Variants in ZMYND8 observed in about 807,000 individuals in gnomAD.
ZMYND8 encodes the protein zinc finger MYND-type containing 8.
A neutral mutation model predicts 140.8 loss-of-function variants in ZMYND8; 37 were observed. That is an observed-to-expected ratio of 0.26 (90% CI 0.20 to 0.35). ZMYND8 has a LOEUF of 0.35. Among genes scored for constraint, ZMYND8 ranks in the 10% least tolerant of loss-of-function variants. The pLI is 1.00. For synonymous variants in ZMYND8, 592 were observed against 597.1 expected, an observed-to-expected ratio of 0.99 and a Z score of 0.12; for missense variants, 1,068 against 1,570.0, an observed-to-expected ratio of 0.68 and a Z score of 5.40.
intron 3 of ZMYND8, among the ~76,000 whole-genome samples, chr20:47,302,883 C>G (rs2078172073): frequency 6.6e-6 from 1 of 152,148 alleles, no homozygotes; most frequent in African/African-American, 2.4e-5. Context: ...GGACAGCATC[C>G]AGGGCACAGG....
At chr20:47,249,170 G>A (rs1418608284) in intron 13 of ZMYND8, 117 bp downstream of exon 13, 3 of 1,265,588 alleles carry the variant, frequency 2.4e-6, no homozygotes, top group Non-Finnish European at 2.2e-6. Context: ...ATAGTTGAAA[G>A]TTAAAGCAGC....
intron 7 of ZMYND8, among the ~76,000 whole-genome samples, chr20:47,287,871 C>A (rs2077025192): frequency 6.6e-6 from 1 of 152,124 alleles, no homozygotes; most frequent in Non-Finnish European, 1.5e-5. Flanking sequence ...CACACACATA[C>A]ACATTTTCTT....
At chr20:47,218,889 C>G (rs1174785440) in intron 21 of ZMYND8, among the ~76,000 whole-genome samples, 1 of 152,034 alleles carries the variant, frequency 6.6e-6, no homozygotes, top group African/African-American at 2.4e-5. Context: ...TTCCTCCATG[C>G]ACTCAATATG....
At chr20:47,214,341 G>A (rs1174873707) in intron 21 of ZMYND8, among the ~76,000 whole-genome samples, 3 of 152,182 alleles carry the variant, frequency 2.0e-5, no homozygotes, top group Non-Finnish European at 2.9e-5. Context: ...GACCTCTGCG[G>A]CCTCCCTGCA....
rs914258320 is a variant in ZMYND8 at position 47,262,216 on chromosome 20, A to T, written c.1621+72T>A. The T allele has an allele frequency of 5.0e-6, 8 of 1,604,650 alleles. No individual in the cohort carries two copies. The African/African-American group carries it at 1.1e-4, about 21-fold the overall frequency. On this transcript the variant is annotated intron_variant, in intron 12 of 22. Transcript: ENST00000471951. ...AGTTGAAGGTTCAAGAACCACATACACAAGAGGATACGTCATTTGCAAAAA... is the reference window on the plus strand; with the variant it reads ...AGTTGAAGGTTCAAGAACCACATACTCAAGAGGATACGTCATTTGCAAAAA...
At chr20:47,273,300 C>T (rs939109218) in intron 11 of ZMYND8, among the ~76,000 whole-genome samples, 1 of 152,118 alleles carries the variant, frequency 6.6e-6, no homozygotes. Context: ...TGTCTGGACA[C>T]CTCGGGAGAC....
At chr20:47,278,056 T>C (rs2076366512) in intron 10 of ZMYND8, among the ~76,000 whole-genome samples, 2 of 152,058 alleles carry the variant, frequency 1.3e-5, no homozygotes. Flanking sequence ...CACTACAGCC[T>C]CAAACTCCTG....
At chr20:47,324,201 C>CAA (rs60339000) in intron 2 of ZMYND8, among the ~76,000 whole-genome samples, 3,409 of 66,586 alleles carry the variant, frequency 0.051, 222 homozygotes, top group African/African-American at 0.15. Flanking sequence ...GACTCTGTCT[C>CAA]AAAAAAAAAA....
intron 1 of ZMYND8, chr20:47,352,966 C>CAGT (rs1461622786): frequency 7.2e-5 from 11 of 152,214 alleles, no homozygotes; most frequent in Non-Finnish European, 1.3e-4. Context: ...CTCTGCTGTG[C>CAGT]AGTAGCGAAG....
chr20:47,314,950 A>G (rs2079260149), intron 2 of ZMYND8, among the ~76,000 whole-genome samples: 1 of 152,194 alleles, frequency 6.6e-6, no homozygotes, highest in African/African-American at 2.4e-5. Context: ...GGACCCTTGA[A>G]CAGGCCATCA....
At chr20:47,347,456 G>A (rs933616010) in intron 2 of ZMYND8, among the ~76,000 whole-genome samples, 1 of 152,238 alleles carries the variant, frequency 6.6e-6, no homozygotes, top group Non-Finnish European at 1.5e-5. Context: ...TTCCAGTGAA[G>A]CGGGCTGACT....
intron 1 of ZMYND8, chr20:47,355,566 A>T (rs2083156562): frequency 2.7e-5 from 24 of 874,314 alleles, no homozygotes; most frequent in Non-Finnish European, 3.3e-5. Context: ...TGGTATTATT[A>T]AAAACACACA....
intron 7 of ZMYND8, among the ~76,000 whole-genome samples, chr20:47,289,166 CA>C (rs2077103400): frequency 1.3e-5 from 2 of 152,168 alleles, no homozygotes; most frequent in South Asian, 4.1e-4. Flanking sequence ...TAGATGTTTA[CA>C]AAAAATGACA....
intron 11 of ZMYND8, among the ~76,000 whole-genome samples, chr20:47,262,846 G>A (rs1418419422): frequency 6.6e-6 from 1 of 152,134 alleles, no homozygotes; most frequent in African/African-American, 2.4e-5. Context: ...AAGACACCAC[G>A]GCCAGCTCAC....
intron 1 of ZMYND8, among the ~76,000 whole-genome samples, chr20:47,352,215 CTTT>C (rs1323265881): frequency 4.6e-5 from 7 of 152,200 alleles, no homozygotes; most frequent in Admixed American, 4.6e-4. Context: ...TAGAAACCAG[CTTT>C]GCATCCATAC....
chr20:47,263,221 G>C (rs972671745), intron 11 of ZMYND8, among the ~76,000 whole-genome samples: 4 of 152,158 alleles, frequency 2.6e-5, no homozygotes, highest in African/African-American at 9.7e-5. Context: ...CCATGGTACT[G>C]GGACTGTCCT....
intron 16 of ZMYND8, among the ~76,000 whole-genome samples, chr20:47,233,066 C>T (rs907186308): frequency 6.6e-6 from 1 of 151,826 alleles, no homozygotes; most frequent in African/African-American, 2.4e-5. Flanking sequence ...GCTACCACAC[C>T]GGGCCAATTT....
rs780605842 is a variant in ZMYND8 at position 47,246,471 on chromosome 20, G to A, written c.1821C>T (p.Ser607=). 6.8e-6 allele frequency: 11 copies of A among 1,612,988 alleles called. No individual in the cohort carries two copies. The highest frequency in any genetic ancestry group is 2.2e-5 in the South Asian group (2 of 91,008). The change falls in exon 14 of 23, where the codon AGC becomes AGT. Residue 607 remains serine, a synonymous_variant. Transcript: ENST00000471951. ...SEDVYTAVEH[S]DSEDSEKSDS... ...CTGACTTCTCAGAATCCTCCGAATC[G>A]CTGTGCTCTACGGCCGTATAGACAT...
intron 21 of ZMYND8, among the ~76,000 whole-genome samples, chr20:47,216,518 A>AAAAAG (rs1223318217): frequency 6.9e-6 from 1 of 145,362 alleles, no homozygotes; most frequent in Non-Finnish European, 1.5e-5. Context: ...AAAAAAAAAA[A>AAAAAG]GGGCCGGGCT....
Sources: gnomAD v4.1 joint callset for allele counts (sites outside exome capture counted in the v4.1 genomes callset) on GRCh38, gnomAD v4.1.1 for gene constraint, MANE v1.5 for transcripts, NCBI Gene and HGNC (gene_info 2026-07-23, HGNC 2026-07-21) for gene names.